The following SBF2 variants were observed in gnomAD, a reference collection of about 807,000 sequenced individuals.
SBF2 encodes the protein SET binding factor 2, also known as myotubularin-related protein 13.
A neutral mutation model predicts 225.2 loss-of-function variants in SBF2; 112 were observed. The observed-to-expected ratio is 0.50, with a 90% CI of 0.43 to 0.58. The LOEUF (loss-of-function observed/expected upper bound fraction) is 0.58, where lower values mean the gene tolerates loss of function less well. SBF2 is among the 20% of genes least tolerant of loss of function. The pLI is 0.00. For missense variants in SBF2, 1,996 were observed against 2,206.2 expected (o/e 0.90, Z 1.91); for synonymous variants, 763 against 773.3 (o/e 0.99, Z 0.22).
At chr11:9,914,208 A>G (rs1862884332) in intron 16 of SBF2, among the ~76,000 whole-genome samples, 1 of 152,248 alleles carries the variant, frequency 6.6e-6, no homozygotes, top group African/African-American at 2.4e-5. Flanking sequence ...TAAAGTAGAC[A>G]GCACACAAGA....
intron 2 of SBF2, among the ~76,000 whole-genome samples, chr11:10,183,365 A>C (rs1185671502): frequency 6.6e-6 from 1 of 152,182 alleles, no homozygotes; most frequent in Non-Finnish European, 1.5e-5. Flanking sequence ...TCTAAAAAAA[A>C]TGGGGCTTAT....
intron 2 of SBF2, among the ~76,000 whole-genome samples, chr11:10,059,593 T>C (rs779081243): frequency 1.3e-5 from 2 of 152,096 alleles, no homozygotes; most frequent in Non-Finnish European, 2.9e-5. Flanking sequence ...CTCATCACCA[T>C]ATGGCACATA....
intron 13 of SBF2, among the ~76,000 whole-genome samples, chr11:9,978,236 C>CT (rs1490227512): frequency 6.6e-6 from 1 of 152,128 alleles, no homozygotes; most frequent in Non-Finnish European, 1.5e-5. Context: ...TGTTTTTTAA[C>CT]TTTATAAAGT....
chr11:9,934,065 G>C (rs540430595), intron 16 of SBF2, among the ~76,000 whole-genome samples: 1 of 147,158 alleles, frequency 6.8e-6, no homozygotes, highest in East Asian at 2.0e-4. Context: ...CTGGGTGACA[G>C]AGCGAGACTG....
intron 1 of SBF2, among the ~76,000 whole-genome samples, chr11:10,205,005 T>C (rs566232083): frequency 1.3e-5 from 2 of 149,882 alleles, no homozygotes; most frequent in African/African-American, 2.4e-5. Context: ...CCGCGGCCTG[T>C]TGGGGGGAGG....
chr11:9,908,033 A>G (rs1862247003), intron 16 of SBF2, among the ~76,000 whole-genome samples: 1 of 152,226 alleles, frequency 6.6e-6, no homozygotes, highest in Non-Finnish European at 1.5e-5. Context: ...CCTCTCAAGT[A>G]AGATACTGAA....
rs76854827 is a variant in SBF2 at position 9,951,310 on chromosome 11, G to A, written c.1860+10647C>T. Among the ~76,000 whole-genome samples, 13 of 152,318 alleles carry A rather than the reference G, an allele frequency of 8.5e-5. No individual in the cohort carries two copies. The East Asian group carries it at 2.5e-3, about 29-fold the overall frequency. ...GGCAAAGGATTTTAAATTGTGAAGT[G>A]AAAAGATACAACTTGAAATATACGA... On this transcript the variant is annotated intron_variant, in intron 16 of 39. Coordinates refer to ENST00000256190, the MANE Select transcript of SBF2 (RefSeq NM_030962.4).
intron 1 of SBF2, among the ~76,000 whole-genome samples, chr11:10,258,186 C>T (rs1442904204): frequency 6.6e-6 from 1 of 151,688 alleles, no homozygotes; most frequent in African/African-American, 2.4e-5. Context: ...CTCATTGCAT[C>T]CTCAAACTCC....
intron 2 of SBF2, among the ~76,000 whole-genome samples, chr11:10,099,958 G>GA (rs1297142118): frequency 1.3e-5 from 2 of 151,874 alleles, no homozygotes; most frequent in African/African-American, 2.4e-5. Context: ...AAAGCAGCAG[G>GA]AAAAAAATTT....
intron 25 of SBF2, among the ~76,000 whole-genome samples, chr11:9,840,185 G>C (rs1434506854): frequency 1.3e-5 from 2 of 151,250 alleles, no homozygotes; most frequent in African/African-American, 4.9e-5. Context: ...AGTGAGCTGA[G>C]ACCGTGCCAC....
intron 2 of SBF2, among the ~76,000 whole-genome samples, chr11:10,123,126 A>AT (rs934099451): frequency 1.3e-4 from 20 of 152,226 alleles, no homozygotes; most frequent in African/African-American, 4.8e-4. Context: ...AACCCTTCTG[A>AT]TTTTCCCTAC....
chr11:9,809,156 C>A (rs1481519535), intron 30 of SBF2, 154 bp from the exon 31 acceptor site: 10 of 612,988 alleles, frequency 1.6e-5, no homozygotes, highest in Non-Finnish European at 3.0e-5. Context: ...AAAGTTCTTT[C>A]AAATCAAGAT....
intron 2 of SBF2, among the ~76,000 whole-genome samples, chr11:10,117,840 GCTGTATTCTCTAAGGAATTAATACTGTT>G (rs761047486): frequency 4.0e-5 from 6 of 151,840 alleles, no homozygotes; most frequent in Non-Finnish European, 7.4e-5. Flanking sequence ...AAGCTGGAAT[GCTGTATTCTCTAAGGAATTAATACTGTT>G]CAGTTTTTTT....
At chr11:10,104,158 G>A (rs1247056570) in intron 2 of SBF2, among the ~76,000 whole-genome samples, 1 of 151,902 alleles carries the variant, frequency 6.6e-6, no homozygotes, top group Non-Finnish European at 1.5e-5. Flanking sequence ...TTCTGCTAGT[G>A]AGTCTAACTT....
At chr11:10,299,275 T>C (rs1437286971) in intron 1 of SBF2, among the ~76,000 whole-genome samples, 1 of 148,408 alleles carries the variant, frequency 6.7e-6, no homozygotes. Flanking sequence ...GAGGCAGAGC[T>C]TGCAGTGGGT....
At chr11:9,863,231 T>C (rs1003004878) in intron 17 of SBF2, among the ~76,000 whole-genome samples, 10 of 152,060 alleles carry the variant, frequency 6.6e-5, no homozygotes, top group Middle Eastern at 3.2e-3. Context: ...CAAATCCAAA[T>C]AAAGGATGCA....
intron 14 of SBF2, among the ~76,000 whole-genome samples, chr11:9,964,928 T>C (rs982197656): frequency 6.6e-6 from 1 of 152,310 alleles, no homozygotes; most frequent in Admixed American, 6.5e-5. Flanking sequence ...ATGGACATAC[T>C]GCATAGTGGT....
chr11:10,217,478 G>C (rs1958173199), intron 1 of SBF2, among the ~76,000 whole-genome samples: 1 of 152,192 alleles, frequency 6.6e-6, no homozygotes, highest in Non-Finnish European at 1.5e-5. Flanking sequence ...TAACATGGTA[G>C]AAAATAAGTG....
chr11:10,213,879 A>G (rs1045551584), intron 1 of SBF2, among the ~76,000 whole-genome samples: 1 of 152,226 alleles, frequency 6.6e-6, no homozygotes, highest in Non-Finnish European at 1.5e-5. Context: ...ACTTACACCT[A>G]TGAAATCTGA....
Sources: gnomAD v4.1 joint callset for allele counts (sites outside exome capture counted in the v4.1 genomes callset) on GRCh38, gnomAD v4.1.1 for gene constraint, MANE v1.5 for transcripts, NCBI Gene and HGNC (gene_info 2026-07-23, HGNC 2026-07-21) for gene names.